ALG13: variants seen among roughly 807,000 people sequenced by gnomAD.
The protein encoded by ALG13 is ALG13 UDP-N-acetylglucosaminyltransferase subunit.
Under a neutral mutation model 87.8 loss-of-function variants are expected in ALG13, and 11 were observed. That is an observed-to-expected ratio of 0.13 (90% CI 0.08 to 0.21). ALG13 has a LOEUF of 0.21. Ranked by LOEUF, ALG13 falls within the 10% of genes least tolerant of loss-of-function variation. ALG13 has a pLI of 1.00. For missense variants in ALG13, 756 were observed against 866.1 expected, an observed-to-expected ratio of 0.87 and a Z score of 1.60; for synonymous variants, 320 against 306.3, an observed-to-expected ratio of 1.04 and a Z score of -0.47.
Position 111,730,520 on chromosome X carries a change from T to C in ALG13, c.2402-5T>C. 8.4e-7 allele frequency: 1 copy of C among 1,194,415 alleles called. No individual in the cohort carries two copies. Among genetic ancestry groups the C allele is most frequent in the Non-Finnish European group, 1.1e-6 (1 of 885,204 alleles). ...CTCATTTTTTACTTTGGCTATATTC[T>C]CTAGAGCCAGACTATGAAACTTCAG... On this transcript the variant is annotated splice_region_variant and splice_polypyrimidine_tract_variant and intron_variant, in intron 20 of 26. Transcript: ENST00000394780.
In ALG13 at chrX:111,703,186, T is replaced by A. The variant is rs1028236745; in HGVS notation, c.384-4841T>A. ...ACAGTGCTAGAATTTTTTTATATTG[T>A]CATCATCATCATCATCATCATCATC... On this transcript the variant is annotated intron_variant, in intron 3 of 26. Transcript: ENST00000394780. Among the ~76,000 whole-genome samples the A allele has an allele frequency of 3.0e-5, 3 of 100,163 alleles. No individual in the cohort carries two copies. In the Admixed American group the frequency reaches 3.1e-4, roughly 10 times the overall value. 87.0% of individuals were successfully genotyped at this position (100,163 alleles called of 115,157 possible). A position where few individuals can be genotyped will look rare whatever the true frequency, so the allele number is the denominator to read the frequency against.
rs773402091 is a variant in ALG13 at position 111,726,268 on chromosome X, C to G, written c.1730-541C>G. On this transcript the variant is annotated intron_variant, in intron 15 of 26. Transcript: ENST00000394780. ...TTTTTTTTTTTGAGACAGTCTCACT[C>G]TGTCGCCCAGGCTGGAGTGCAGTTG... Among the ~76,000 whole-genome samples, 3 of 87,111 alleles carry G rather than the reference C, an allele frequency of 3.4e-5. No homozygotes were observed. In the South Asian group the frequency reaches 2.3e-3, roughly 67 times the overall value. 75.6% of individuals were successfully genotyped at this position (87,111 alleles called of 115,157 possible).
intron 12 of ALG13, among the ~76,000 whole-genome samples, chrX:111,722,077 T>C (rs1411808121): frequency 8.9e-6 from 1 of 111,976 alleles, no homozygotes; most frequent in Non-Finnish European, 1.9e-5. Context: ...CACCAACTGT[T>C]TTTATGTGGT....
rs775381422 is a variant in ALG13, at chrX:111,708,263, G to C, written c.620G>C (p.Gly207Ala). ...CCCACCCTGTACAAAATGCATAAAG[G>C]ATGGAAAAACTACTGCAGCCAGAAG... is the stretch of plus-strand genomic sequence containing the variant. ...LTPTLYKMHK[G>A]WKNYCSQKSL... The change falls in exon 4 of 27, where the codon GGA becomes GCA. Residue 207 changes from glycine (G) to alanine (A), a missense_variant. Transcript: ENST00000394780. 1.7e-6 allele frequency: 2 copies of C among 1,211,512 alleles called. No homozygotes were observed. Among genetic ancestry groups the C allele is most frequent in the Non-Finnish European group, 2.2e-6 (2 of 895,452 alleles).
At position 111,737,980 on chromosome X, in the gene ALG13, T is replaced by C. The variant is rs1943394893; in HGVS notation, c.2695+1101T>C. The stretch of plus-strand genomic sequence containing the variant: ...CAGGGAAAAGAACAAAAGAAAAGGA[T>C]TAAGGTCAAATGCTACACAAATATA... On this transcript the variant is annotated intron_variant, in intron 23 of 26. Transcript: ENST00000394780. 2.7e-5 allele frequency among the ~76,000 whole-genome samples: 3 copies of C among 111,815 alleles called. No individual in the cohort carries two copies. In the Admixed American group the frequency reaches 2.8e-4, roughly 11 times the overall value.
intron 1 of ALG13, 180 bp downstream of exon 1, chrX:111,681,479 C>A: frequency 9.4e-7 from 1 of 1,064,940 alleles, no homozygotes; most frequent in South Asian, 2.4e-5. Context: ...CCTTCTCCGG[C>A]TACCCGGCCA....
At chrX:111,686,077 A>C in intron 3 of ALG13, 1 of 799,467 alleles carries the variant, frequency 1.3e-6, no homozygotes, top group African/African-American at 2.1e-5. Flanking sequence ...ATTAGAATTC[A>C]ACAGGAACTG....
intron 3 of ALG13, among the ~76,000 whole-genome samples, chrX:111,686,947 G>A (rs749891444): frequency 8.9e-6 from 1 of 111,915 alleles, no homozygotes; most frequent in Admixed American, 9.5e-5. Context: ...ATCAGTAATT[G>A]ATTGGTTATA....
intron 15 of ALG13, among the ~76,000 whole-genome samples, chrX:111,726,161 G>A (rs1210967558): frequency 9.3e-6 from 1 of 108,056 alleles, no homozygotes; most frequent in African/African-American, 3.4e-5. Flanking sequence ...TAGCCAAGAT[G>A]GTCTCGATCT....
chrX:111,721,776 A>ATACTCC, intron 12 of ALG13, 65 bp downstream of exon 12: 1 of 621,849 alleles, frequency 1.6e-6, no homozygotes, highest in Non-Finnish European at 2.6e-6. Flanking sequence ...TTTGCAAATT[A>ATACTCC]TGGTGAACAT....
At position 111,736,836 on chromosome X, in the gene ALG13, T is replaced by C. The variant is rs1943290378; in HGVS notation, c.2652T>C (p.Ala884=). The C allele has an allele frequency of 1.7e-6, 2 of 1,210,537 alleles. No homozygotes were observed. Among genetic ancestry groups the C allele is most frequent in the East Asian group, 3.0e-5 (1 of 33,760 alleles). ...CCACTTCAGTTTCCTCACAGAATGCTATACAGCCTCTCTTTGTATCTCCAC... is the reference window on the plus strand; with the variant it reads ...CCACTTCAGTTTCCTCACAGAATGCCATACAGCCTCTCTTTGTATCTCCAC... ...ISTTSVSSQN[A]IQPLFVSPPT... The change falls in exon 23 of 27, where the codon GCT becomes GCC. Residue 884 remains alanine, a synonymous_variant. Coordinates refer to ENST00000394780, the MANE Select transcript of ALG13 (RefSeq NM_001099922.3).
intron 3 of ALG13, among the ~76,000 whole-genome samples, chrX:111,690,809 G>T (rs749945289): frequency 9.0e-6 from 1 of 110,859 alleles, no homozygotes; most frequent in East Asian, 2.8e-4. Context: ...AGTACAAAAA[G>T]GTTGTTTGCC....
intron 3 of ALG13, chrX:111,688,939 TTATC>T: frequency 6.8e-6 from 5 of 739,200 alleles, no homozygotes; most frequent in South Asian, 6.9e-5. Flanking sequence ...TAGATATAGT[TTATC>T]TATCAAAATA....
At chrX:111,724,904 A>G in intron 14 of ALG13, 30 bp from the exon 15 acceptor site, 1 of 1,204,439 alleles carries the variant, frequency 8.3e-7, no homozygotes, top group East Asian at 3.0e-5. Flanking sequence ...GTGTTGCAGT[A>G]TCTTCATGGT....
intron 3 of ALG13, among the ~76,000 whole-genome samples, chrX:111,707,259 A>G (rs879126579): frequency 1.8e-5 from 2 of 112,454 alleles, no homozygotes; most frequent in African/African-American, 3.2e-5. Context: ...AATGTAGTCT[A>G]TCCATTTGTG....
intron 3 of ALG13, among the ~76,000 whole-genome samples, chrX:111,693,630 G>A: frequency 9.0e-6 from 1 of 111,507 alleles, no homozygotes; most frequent in East Asian, 2.8e-4. Context: ...ATCTATGTTG[G>A]TATTTCTATA....
At chrX:111,704,095 G>A (rs1427163156) in intron 3 of ALG13, among the ~76,000 whole-genome samples, 1 of 111,624 alleles carries the variant, frequency 9.0e-6, no homozygotes, top group Non-Finnish European at 1.9e-5. Flanking sequence ...TGGCCAATAA[G>A]CAGATGAAAA....
intron 5 of ALG13, 46 bp downstream of exon 5, chrX:111,709,094 A>G: frequency 1.2e-6 from 1 of 826,782 alleles, no homozygotes; most frequent in Non-Finnish European, 1.7e-6. Flanking sequence ...AGTGTGTAGC[A>G]GGTGGAAAAA....
At chrX:111,710,298 G>T (rs1051779496) in intron 5 of ALG13, among the ~76,000 whole-genome samples, 3 of 111,420 alleles carry the variant, frequency 2.7e-5, no homozygotes, top group Non-Finnish European at 5.6e-5. Context: ...CTCCCAAAGT[G>T]CTGGGACTAC....
Sources: gnomAD v4.1 joint callset for allele counts (sites outside exome capture counted in the v4.1 genomes callset) on GRCh38, gnomAD v4.1.1 for gene constraint, MANE v1.5 for transcripts, NCBI Gene and HGNC (gene_info 2026-07-23, HGNC 2026-07-21) for gene names.